The following PMPCB variants were observed in gnomAD, a reference collection of about 807,000 sequenced individuals.
The protein encoded by PMPCB is mitochondrial-processing peptidase subunit beta.
Under a neutral mutation model 61.5 loss-of-function variants are expected in PMPCB, and 46 were observed. That is an observed-to-expected ratio of 0.75 (90% CI 0.59 to 0.96). The LOEUF is 0.96. Ranked by LOEUF, PMPCB falls within the 40% of genes least tolerant of loss-of-function variation. The probability of loss-of-function intolerance (pLI) is 0.00; values close to 1 mark genes in which losing one functional copy is unlikely to be tolerated. For missense variants in PMPCB, 590 were observed against 602.4 expected (o/e 0.98, Z 0.22); for synonymous variants, 191 against 201.6 (o/e 0.95, Z 0.44).
At chr7:103,329,778 C>T (rs999604533), downstream of PMPCB, among the ~76,000 whole-genome samples, 1 of 152,168 alleles carries the variant, frequency 6.6e-6, no homozygotes, top group Non-Finnish European at 1.5e-5. Flanking sequence ...TATATTTGAT[C>T]GTAACTTCCA....
In PMPCB at chr7:103,297,881, CCAGAGTTCTATTTTTGCCTAAGA is replaced by C. The variant is rs1348887937; in HGVS notation, c.99+325_99+347del. The C allele has an allele frequency of 1.9e-5, 26 of 1,405,374 alleles. No individual in the cohort carries two copies. The African/African-American group carries it at 3.7e-4, about 20-fold the overall frequency. The allele number at this position is 1,405,374 out of a possible 1,614,324, so 87.1% of individuals were successfully genotyped here. A position where few individuals can be genotyped will look rare whatever the true frequency, so the allele number is the denominator to read the frequency against. On this transcript the variant is annotated intron_variant, in intron 1 of 12. Transcript: ENST00000249269. ...ACTAAAAAGTGAAATGGGTACCGCTCCAGAGTTCTATTTTTGCCTAAGACTGAACTTCGTCCTCAGCTGGGCTT... is the reference window on the plus strand; with the variant it reads ...ACTAAAAAGTGAAATGGGTACCGCTCCTGAACTTCGTCCTCAGCTGGGCTT...
chr7:103,309,547 T>C (rs1489937162), intron 8 of PMPCB, among the ~76,000 whole-genome samples: 1 of 152,198 alleles, frequency 6.6e-6, no homozygotes, highest in East Asian at 1.9e-4. Flanking sequence ...ATGGATTGGG[T>C]ATTTATCTAG....
At chr7:103,334,075 C>G (rs1403389858), downstream of PMPCB, among the ~76,000 whole-genome samples, 1 of 151,782 alleles carries the variant, frequency 6.6e-6, no homozygotes, top group Non-Finnish European at 1.5e-5. Context: ...CTCAGCCACG[C>G]GAGTAGCTGC....
Position 103,310,381 on chromosome 7 carries a change from A to G in PMPCB, c.1060A>G (p.Asn354Asp), listed in dbSNP as rs1360020821. ...TCTTTGCCATAGCTTTCAGTCTTTC[A>G]ACACTTCCTACACAGATACAGGATT... ...GNLCHSFQSF[N>D]TSYTDTGLWG... is the part of the protein sequence containing the mutation. Residue 354 changes from asparagine (N) to aspartate (D), a missense_variant, in exon 9 of 13, where the codon AAC (asparagine) becomes GAC (aspartate). Transcript: ENST00000249269. 2 of 1,613,416 alleles carry G rather than the reference A, an allele frequency of 1.2e-6. No individual in the cohort carries two copies. The highest frequency in any genetic ancestry group is 3.3e-5 in the Admixed American group (2 of 59,984).
chr7:103,316,511 G>T, downstream of PMPCB: 1 of 259,136 alleles, frequency 3.9e-6, no homozygotes. Flanking sequence ...CAAAGAGCAA[G>T]ACTGTAAAAG....
At chr7:103,346,010 C>G in the PMPCB span, among the ~76,000 whole-genome samples, 1 of 152,106 alleles carries the variant, frequency 6.6e-6, no homozygotes. Flanking sequence ...AATGCAACCA[C>G]TGTTAAAACA....
downstream of PMPCB, chr7:103,319,578 T>C (rs182597576): frequency 3.5e-5 from 56 of 1,604,830 alleles, no homozygotes; most frequent in East Asian, 1.2e-3. Flanking sequence ...AAATGCTACA[T>C]ATAGGTAGGA....
At chr7:103,337,630 A>T in the PMPCB span, 1 of 886,160 alleles carries the variant, frequency 1.1e-6, no homozygotes, top group Non-Finnish European at 1.8e-6. Context: ...CATGCTGTTA[A>T]ATGTAGTTAT....
downstream of PMPCB, among the ~76,000 whole-genome samples, chr7:103,315,421 C>T (rs937946151): frequency 2.6e-5 from 4 of 152,214 alleles, no homozygotes; most frequent in African/African-American, 9.6e-5. Context: ...AACATAAGGA[C>T]ATTTTCTTAT....
the PMPCB span, chr7:103,337,533 G>C: frequency 1.1e-4 from 56 of 499,272 alleles, 1 homozygote; most frequent in South Asian, 1.6e-3. Context: ...TCCCTAATGG[G>C]AAAGTCTATA....
intron 12 of PMPCB, chr7:103,324,375 G>C: frequency 1.0e-6 from 1 of 994,874 alleles, no homozygotes; most frequent in Non-Finnish European, 1.4e-6. Flanking sequence ...GTTCAGTGAA[G>C]GTTCTGCAAT....
chr7:103,324,121 A>G (rs898361113), intron 12 of PMPCB, among the ~76,000 whole-genome samples: 2 of 152,240 alleles, frequency 1.3e-5, no homozygotes, highest in African/African-American at 4.8e-5. Context: ...CACATATAAA[A>G]TGGCCACTAA....
chr7:103,312,111 G>T lies in PMPCB; in HGVS notation c.1385G>T (p.Ser462Ile), dbSNP rs559942322. 5.0e-6 allele frequency: 8 copies of T among 1,614,026 alleles called. No homozygotes were observed. The East Asian group carries it at 1.8e-4, about 36-fold the overall frequency. ...TGTACCAAATACATTTATAATAGGAGTCCAGCTATTGCTGCTGTTGGTAAG... is the reference window on the plus strand; with the variant it reads ...TGTACCAAATACATTTATAATAGGATTCCAGCTATTGCTGCTGTTGGTAAG... ...EVCTKYIYNRSPAIAAVGPIK... is the reference protein window; with the variant it reads ...EVCTKYIYNRIPAIAAVGPIK... Residue 462 changes from serine to isoleucine, a missense_variant, in exon 12 of 13, where the codon AGT becomes ATT. Physicochemically the swap from Ser to Ile is moderately radical, Grantham distance 142 (BLOSUM62 -2). Transcript: ENST00000249269.
At chr7:103,337,814 G>A in the PMPCB span, 3 of 1,607,968 alleles carry the variant, frequency 1.9e-6, no homozygotes, top group Non-Finnish European at 2.5e-6. Flanking sequence ...TCTTGGTTCT[G>A]GAAAAAAAAC....
intron 1 of PMPCB, 61 bp downstream of exon 1, chr7:103,297,619 C>A: frequency 6.2e-7 from 1 of 1,603,164 alleles, no homozygotes; most frequent in South Asian, 1.1e-5. Context: ...CGCAGCGCAC[C>A]TGAGAGTCGG....
At chr7:103,321,563 T>G (rs1377876158) in intron 12 of PMPCB, among the ~76,000 whole-genome samples, 2 of 151,564 alleles carry the variant, frequency 1.3e-5, no homozygotes, top group Non-Finnish European at 2.9e-5. Context: ...CAAGAAATAT[T>G]TTGGCTGGGT....
chr7:103,312,147 T>G lies in PMPCB; in HGVS notation c.1405+16T>G. 1 of 1,614,066 alleles carries G rather than the reference T, an allele frequency of 6.2e-7. No homozygotes were observed. Among genetic ancestry groups the G allele is most frequent in the Non-Finnish European group, 8.5e-7 (1 of 1,179,978 alleles). On this transcript the variant is annotated intron_variant, in intron 12 of 12. Transcript: ENST00000249269. ...GCTGCTGTTGGTAAGCCTGGCTTCT[T>G]TTCTTCTATGCAAAAAGTTGGCCAA...
intron 4 of PMPCB, 151 bp downstream of exon 4, chr7:103,300,458 A>G: frequency 2.0e-6 from 1 of 499,976 alleles, no homozygotes; most frequent in African/African-American, 2.0e-5. Flanking sequence ...AGCTGATCTT[A>G]TTTTTTTTCT....
At position 103,314,110 on chromosome 7, in the gene PMPCB, TAAG is replaced by T. The variant is rs1355091295; in HGVS notation, c.*1843_*1845del. 1.0e-6 allele frequency: 1 copy of T among 985,308 alleles called. No homozygotes were observed. The highest frequency in any genetic ancestry group is 1.1e-4 in the East Asian group (1 of 8,828). 61.0% of individuals were successfully genotyped at this position (985,308 alleles called of 1,614,324 possible). The stretch of plus-strand genomic sequence containing the variant: ...AATATTTGATGGTACCTAAGGTGCC[TAAG>T]AAGCTTTTTTGAAGGTAGCTTTTAA... On this transcript the variant is annotated 3_prime_UTR_variant, in exon 13 of 13. Coordinates refer to ENST00000249269, the MANE Select transcript of PMPCB (RefSeq NM_004279.3).
Sources: allele counts gnomAD v4.1 joint callset (sites outside exome capture counted in the v4.1 genomes callset), GRCh38; gene constraint gnomAD v4.1.1; transcripts MANE v1.5; gene names NCBI Gene and HGNC (gene_info 2026-07-23, HGNC 2026-07-21).